ARHGAP9: variants seen among roughly 807,000 people sequenced by gnomAD.
ARHGAP9 encodes Rho GTPase activating protein 9.
ARHGAP9 carries 76 observed loss-of-function variants against 87.3 expected under a neutral mutation model. That is an observed-to-expected ratio of 0.87 (90% confidence interval 0.72 to 1.05). The LOEUF (loss-of-function observed/expected upper bound fraction) is 1.05, where lower values mean the gene tolerates loss of function less well. ARHGAP9 is among the 50% of genes least tolerant of loss of function. The probability of loss-of-function intolerance (pLI) is 0.00; values close to 1 mark genes in which losing one functional copy is unlikely to be tolerated. For missense variants in ARHGAP9, 941 were observed against 960.5 expected, an observed-to-expected ratio of 0.98 and a Z score of 0.27; for synonymous variants, 382 against 394.9, an observed-to-expected ratio of 0.97 and a Z score of 0.39.
At position 57,472,676 on chromosome 12, in the gene ARHGAP9, G is replaced by A; in HGVS notation, c.2037C>T (p.His679=). The A allele has an allele frequency of 6.2e-7, 1 of 1,614,200 alleles. No individual in the cohort carries two copies. Residue 679 remains histidine, a synonymous_variant, in exon 18 of 18, where the codon CAC becomes CAT. Coordinates refer to ENST00000393791, the MANE Select transcript of ARHGAP9 (RefSeq NM_032496.4). The part of the protein sequence containing the change: ...LLEHLCRVIA[H]SDKNRMTPHN... ...GGGGTGTCATGCGATTCTTATCTGA[G>A]TGTGCTATCACCCTGTAAGCAAAGG...
At chr12:57,483,803 G>T, upstream of ARHGAP9, 1 of 415,606 alleles carries the variant, frequency 2.4e-6, no homozygotes, top group South Asian at 1.7e-5. Context: ...ACCTTGGGAG[G>T]CTGAGGCGGG....
At chr12:57,480,152 G>C (rs1037934670), upstream of ARHGAP9, 1 of 981,042 alleles carries the variant, frequency 1.0e-6, no homozygotes, top group Non-Finnish European at 1.2e-6. Context: ...GCCTCTTGAG[G>C]CAGGAGCTAC....
rs34160414 is a variant in ARHGAP9 at position 57,477,654 on chromosome 12, C to T, written c.561G>A (p.Glu187=). 58,863 of 1,612,396 alleles carry T rather than the reference C, an allele frequency of 0.037. 3,405 individuals are homozygous for T. Among genetic ancestry groups the T allele is most frequent in the African/African-American group, 0.27 (19,831 of 74,628 alleles). Residue 187 remains glutamate, a synonymous_variant, in exon 4 of 18, where the codon GAG becomes GAA. Transcript: ENST00000393791. ...CCACCAGGTTACAGTACACAGGGGG[C>T]TCTGACATGAGGGGCTGGGGGCCTG... ...STAGPQPLMS[E]PPVYCNLVDL...
At chr12:57,481,557 T>C (rs1448089218), upstream of ARHGAP9, among the ~76,000 whole-genome samples, 1 of 151,618 alleles carries the variant, frequency 6.6e-6, no homozygotes, top group Admixed American at 6.6e-5. Context: ...AGCCTCTCTC[T>C]TTCTTTTTAC....
chr12:57,487,852 A>C (rs1159757335), intron 1 of ARHGAP9: 2 of 30,398 alleles, frequency 6.6e-5, no homozygotes, highest in South Asian at 1.2e-3. Flanking sequence ...CCCTCTCACA[A>C]AAAAAAAAAA....
rs1565614536 is a variant in ARHGAP9 at position 57,475,463 on chromosome 12, C to G, written c.1444+20G>C. On this transcript the variant is annotated intron_variant, in intron 11 of 17. Coordinates refer to ENST00000393791, the MANE Select transcript of ARHGAP9 (RefSeq NM_032496.4). ...GCCTCGCTGCGCTCCCGGACTCTCC[C>G]TCCCCAGCCCGCGCCTCACTGGAGC... 6.3e-7 allele frequency: 1 copy of G among 1,584,482 alleles called. No individual in the cohort carries two copies. The highest frequency in any genetic ancestry group is 2.3e-5 in the East Asian group (1 of 43,470).
At position 57,475,886 on chromosome 12, in the gene ARHGAP9, C is replaced by T. The variant is rs776968480; in HGVS notation, c.1258G>A (p.Glu420Lys). ...GHEFLLQSDH[E>K]TELRAWHRAL... ...CGGTGCCAGGCTCGCAGCTCTGTCT[C>T]GTGGTCCGACTGCAGCAGGAACTCG... is the stretch of plus-strand genomic sequence containing the variant. Residue 420 changes from glutamate to lysine, a missense_variant, in exon 10 of 18, where the codon GAG becomes AAG. Physicochemically the swap from Glu to Lys is moderately conservative, Grantham distance 56 (BLOSUM62 1). Transcript: ENST00000393791. 6.2e-7 allele frequency: 1 copy of T among 1,613,774 alleles called. No individual in the cohort carries two copies. Among genetic ancestry groups the T allele is most frequent in the African/African-American group, 1.3e-5 (1 of 74,938 alleles).
upstream of ARHGAP9, chr12:57,480,107 A>C (rs1033802916): frequency 1.0e-6 from 1 of 985,180 alleles, no homozygotes; most frequent in Admixed American, 6.2e-5. Context: ...CGATTTTGGG[A>C]GCTGAGAAGC....
Position 57,477,227 on chromosome 12 carries a change from T to G in ARHGAP9, c.799A>C (p.Asn267His). 4.4e-6 allele frequency: 7 copies of G among 1,599,826 alleles called. No homozygotes were observed. The highest frequency in any genetic ancestry group is 6.0e-6 in the Non-Finnish European group (7 of 1,172,724). Reference sequence around the variant, plus strand: ...TTTGCCTGAGGTTGCAGGACATCATTGTTCCTCTTCAGGGTCTGTGTCCCC... The same window carrying G: ...TTTGCCTGAGGTTGCAGGACATCATGGTTCCTCTTCAGGGTCTGTGTCCCC... ...MEGTQTLKRN[N>H]DVLQPQAKGF... The change falls in exon 5 of 18, where the codon AAT (asparagine) becomes CAT (histidine). Residue 267 changes from asparagine to histidine, a missense_variant. Coordinates refer to ENST00000393791, the MANE Select transcript of ARHGAP9 (RefSeq NM_032496.4).
At chr12:57,477,888 T>C in intron 3 of ARHGAP9, 1 of 1,364,092 alleles carries the variant, frequency 7.3e-7, no homozygotes, top group Non-Finnish European at 9.5e-7. Flanking sequence ...GCTCTTCTCC[T>C]CACTTCCTGT....
At position 57,477,897 on chromosome 12, in the gene ARHGAP9, G is replaced by T. The variant is rs1237463218; in HGVS notation, c.535-217C>A. The T allele has an allele frequency of 4.5e-6, 6 of 1,347,526 alleles. No homozygotes were observed. In the East Asian group the frequency reaches 1.0e-4, roughly 23 times the overall value. The allele number at this position is 1,347,526 out of a possible 1,614,324, so 83.5% of individuals were successfully genotyped here. ...TTCTTTGCTCTTCTCCTCACTTCCTGTTGCCAACTTCCCGCCTCCCCCACC... is the reference window on the plus strand; with the variant it reads ...TTCTTTGCTCTTCTCCTCACTTCCTTTTGCCAACTTCCCGCCTCCCCCACC... On this transcript the variant is annotated intron_variant, in intron 3 of 17. Coordinates refer to ENST00000393791, the MANE Select transcript of ARHGAP9 (RefSeq NM_032496.4).
intron 17 of ARHGAP9, 32 bp from the exon 18 acceptor site, chr12:57,472,720 G>T: frequency 6.2e-7 from 1 of 1,611,626 alleles, no homozygotes; most frequent in South Asian, 1.1e-5. Flanking sequence ...GGGGATATAT[G>T]GCAGCAGCTT....
At chr12:57,482,817 G>A (rs556098018), upstream of ARHGAP9, among the ~76,000 whole-genome samples, 8 of 151,966 alleles carry the variant, frequency 5.3e-5, no homozygotes, top group South Asian at 2.1e-4. Context: ...ATATGGGGCC[G>A]GGTGCAGTGG....
chr12:57,473,568 C>T, intron 17 of ARHGAP9, 35 bp downstream of exon 17: 3 of 1,579,788 alleles, frequency 1.9e-6, no homozygotes, highest in South Asian at 1.1e-5. Flanking sequence ...CTCCACCTTT[C>T]CCCAGCATGA....
Position 57,472,592 on chromosome 12 carries a change from G to A in ARHGAP9, c.2121C>T (p.Asp707=). 6.2e-7 allele frequency: 1 copy of A among 1,614,238 alleles called. No homozygotes were observed. Residue 707 remains aspartate (D), a synonymous_variant, in exon 18 of 18, where the codon GAC becomes GAT. Coordinates refer to ENST00000393791, the MANE Select transcript of ARHGAP9 (RefSeq NM_032496.4). ...CTGGGTAGAGAGCATGGGCTGCTGG[G>A]TCAGATGTCTCCTGCTCTGGCCGAA... ...TLFRPEQETS[D]PAAHALYPGQ... is the part of the protein sequence containing the mutation.
In ARHGAP9 at chr12:57,478,168, T is replaced by C. The variant is rs118166033; in HGVS notation, c.534+372A>G. The C allele has an allele frequency of 2.4e-3, 744 of 309,188 alleles. 31 individuals are homozygous for C. In the East Asian group the frequency reaches 0.051, roughly 21 times the overall value. 19.2% of individuals were successfully genotyped at this position (309,188 alleles called of 1,614,324 possible). A position where few individuals can be genotyped will look rare whatever the true frequency, so the allele number is the denominator to read the frequency against. On this transcript the variant is annotated intron_variant, in intron 3 of 17. Transcript: ENST00000393791. ...AGCAGAACACAGAAAAACCCTGCCC[T>C]GGGCTAGGAGTCTGGAGGAAGGAAG...
intron 10 of ARHGAP9, 83 bp from the exon 11 acceptor site, chr12:57,475,698 C>G: frequency 6.4e-7 from 1 of 1,559,500 alleles, no homozygotes; most frequent in South Asian, 1.2e-5. Flanking sequence ...CTGCCGGGGT[C>G]CCACATCCCG....
At chr12:57,486,789 G>C (rs1299280799) in intron 1 of ARHGAP9, among the ~76,000 whole-genome samples, 1 of 148,366 alleles carries the variant, frequency 6.7e-6, no homozygotes, top group African/African-American at 2.4e-5. Context: ...GGAGGCTGAG[G>C]CAGGAGAATG....
Position 57,476,819 on chromosome 12 carries a change from G to A in ARHGAP9, c.963+52C>T. ...ATGTTTATGTGGAGCAGGAAAAGGG[G>A]GGAGGGGGGGCAGGGAGGATCTTGG... is the stretch of plus-strand genomic sequence containing the variant. On this transcript the variant is annotated intron_variant, in intron 6 of 17. Transcript: ENST00000393791. 10 of 1,532,486 alleles carry A rather than the reference G, an allele frequency of 6.5e-6. No individual in the cohort carries two copies. The South Asian group carries it at 1.1e-4, about 17-fold the overall frequency. The allele number at this position is 1,532,486 out of a possible 1,614,324, so 94.9% of individuals were successfully genotyped here. A position where few individuals can be genotyped will look rare whatever the true frequency, so the allele number is the denominator to read the frequency against.
Sources: allele counts gnomAD v4.1 joint callset (sites outside exome capture counted in the v4.1 genomes callset), GRCh38; gene constraint gnomAD v4.1.1; transcripts MANE v1.5; gene names NCBI Gene and HGNC (gene_info 2026-07-23, HGNC 2026-07-21).